The following ADAMTSL5 variants were observed in gnomAD, a reference collection of about 807,000 sequenced individuals.
ADAMTSL5 encodes ADAMTS-like protein 5.
Under a neutral mutation model 51.7 loss-of-function variants are expected in ADAMTSL5, and 53 were observed. The observed-to-expected ratio is 1.03, with a 90% CI of 0.82 to 1.29. The LOEUF (loss-of-function observed/expected upper bound fraction) is 1.29. Ranked by LOEUF, ADAMTSL5 falls within the 50% of genes most tolerant of loss-of-function variation. The probability of loss-of-function intolerance (pLI) is 0.00; values close to 1 mark genes in which losing one functional copy is unlikely to be tolerated. For synonymous variants in ADAMTSL5, 285 were observed against 278.7 expected (o/e 1.02, Z -0.23); for missense variants, 770 against 676.2 (o/e 1.14, Z -1.54).
Position 1,508,065 on chromosome 19 carries a change from G to A in ADAMTSL5, c.534C>T (p.Asp178=), listed in dbSNP as rs1039626819. The A allele has an allele frequency of 6.2e-7, 1 of 1,610,608 alleles. No homozygotes were observed. Among genetic ancestry groups the A allele is most frequent in the African/African-American group, 1.3e-5 (1 of 74,830 alleles). ...DGLLGSGALE[D]RCGRCGGAND... ...TGGCGCCTCCGCAGCGGCCACAGCG[G>A]TCCTCGAGGGCACCCGAGCCCAACA... The change falls in exon 7 of 12, where the codon GAC becomes GAT. Residue 178 remains aspartate, a synonymous_variant. Coordinates refer to ENST00000330475, the MANE Select transcript of ADAMTSL5 (RefSeq NM_213604.3).
At chr19:1,510,509 C>G (rs1445481276) in intron 3 of ADAMTSL5, 81 bp from the exon 4 acceptor site, 1 of 1,514,250 alleles carries the variant, frequency 6.6e-7, no homozygotes. Context: ...CCCGCCAACC[C>G]CACCCGCATT....
Position 1,510,700 on chromosome 19 carries a change from A to G in ADAMTSL5, c.130T>C (p.Trp44Arg). ...CCGCAGGAGCTGGAGCAGCGGGTCC[A>G]GGACACCCACGGGGTCCACTCGCCC... ...GPGEWTPWVS[W>R]TRCSSSCGRG... The change falls in exon 3 of 12, where the codon TGG becomes CGG. Residue 44 changes from tryptophan (W) to arginine (R), a missense_variant. By Grantham distance (101) the Trp-to-Arg change is moderately radical. Coordinates refer to ENST00000330475, the MANE Select transcript of ADAMTSL5 (RefSeq NM_213604.3). 2 of 1,543,132 alleles carry G rather than the reference A, an allele frequency of 1.3e-6. No homozygotes were observed. The highest frequency in any genetic ancestry group is 1.7e-6 in the Non-Finnish European group (2 of 1,143,588).
chr19:1,507,381 T>C lies in ADAMTSL5; in HGVS notation c.713A>G (p.Tyr238Cys). Residue 238 changes from tyrosine to cysteine, a missense_variant, in exon 9 of 12, where the codon TAC (tyrosine) becomes TGC (cysteine). Coordinates refer to ENST00000330475, the MANE Select transcript of ADAMTSL5 (RefSeq NM_213604.3). ...GACCACCCAGTGCCCATTAAGCACG[T>C]AGCGCCCATCGCCCCCCATCAGTGC... ...HLALMGGDGR[Y>C]VLNGHWVVSP... 6.3e-7 allele frequency: 1 copy of C among 1,576,736 alleles called. No individual in the cohort carries two copies. The highest frequency in any genetic ancestry group is 1.8e-5 in the Admixed American group (1 of 56,128).
intron 7 of ADAMTSL5, 143 bp from the exon 8 acceptor site, chr19:1,507,786 C>T (rs1391934632): frequency 3.0e-6 from 3 of 1,013,886 alleles, no homozygotes; most frequent in Non-Finnish European, 4.4e-6. Context: ...TTTGGAGTTA[C>T]AATTACTATT....
At chr19:1,511,942 C>T (rs1313639196) in intron 1 of ADAMTSL5, among the ~76,000 whole-genome samples, 5 of 152,176 alleles carry the variant, frequency 3.3e-5, no homozygotes, top group East Asian at 1.9e-4. Context: ...CGGGGCAGCC[C>T]GTGGAGGGAA....
At position 1,505,852 on chromosome 19, in the gene ADAMTSL5, T is replaced by G; in HGVS notation, c.*163A>C. The G allele has an allele frequency of 3.4e-6, 3 of 891,608 alleles. 1 individual carries two copies. In the South Asian group the frequency reaches 6.0e-5, roughly 18 times the overall value. 55.2% of individuals were successfully genotyped at this position (891,608 alleles called of 1,614,324 possible). A position where few individuals can be genotyped will look rare whatever the true frequency, so the allele number is the denominator to read the frequency against. On this transcript the variant is annotated 3_prime_UTR_variant, in exon 12 of 12. Transcript: ENST00000330475. ...GCTTGTGACAGTGGCTTTGACTGCA[T>G]GCAGAGGTGTCTTAAGCGTGTGTGG...
chr19:1,510,811 A>G, intron 2 of ADAMTSL5, 34 bp downstream of exon 2: 2 of 1,507,454 alleles, frequency 1.3e-6, no homozygotes, highest in South Asian at 1.3e-5. Context: ...CCCCATTCCC[A>G]CTCGCCACCC....
At position 1,510,737 on chromosome 19, in the gene ADAMTSL5, G is replaced by A; in HGVS notation, c.100-7C>T. ...GGGTCCACTCGCCCGGACCCTACTT[G>A]GGGAGACAGAGGCACGGTCAGCCTT... On this transcript the variant is annotated splice_polypyrimidine_tract_variant and splice_region_variant and intron_variant, in intron 2 of 11. Transcript: ENST00000330475. The A allele has an allele frequency of 6.5e-7, 1 of 1,531,064 alleles. No individual in the cohort carries two copies. Among genetic ancestry groups the A allele is most frequent in the Non-Finnish European group, 8.8e-7 (1 of 1,135,910 alleles). 94.8% of individuals were successfully genotyped at this position (1,531,064 alleles called of 1,614,324 possible).
chr19:1,510,001 G>A, intron 5 of ADAMTSL5, 149 bp downstream of exon 5: 1 of 652,318 alleles, frequency 1.5e-6, no homozygotes, highest in South Asian at 2.1e-5. Context: ...CCTAACATAT[G>A]CTGTTTCTGT....
Position 1,506,852 on chromosome 19 carries a change from G to C in ADAMTSL5, c.929C>G (p.Ala310Gly), listed in dbSNP as rs1284901930. 1 of 1,544,680 alleles carries C rather than the reference G, an allele frequency of 6.5e-7. No individual in the cohort carries two copies. Among genetic ancestry groups the C allele is most frequent in the Non-Finnish European group, 8.7e-7 (1 of 1,145,084 alleles). Residue 310 changes from alanine to glycine, a missense_variant, in exon 10 of 12, where the codon GCT (alanine) becomes GGT (glycine). Transcript: ENST00000330475. The surrounding 1 kb of genome is among the most constrained non-coding windows in gnomAD (Gnocchi z 5.6). ...LPRERYSPFQ[A>G]RVQALGWPLR... ...GGGCCAGCCCAGGGCCTGCACACGAGCCTGGAAGGGGCTGTAGCGCTCCCG... is the reference window on the plus strand; with the variant it reads ...GGGCCAGCCCAGGGCCTGCACACGACCCTGGAAGGGGCTGTAGCGCTCCCG...
chr19:1,509,183 A>C (rs556921475), intron 5 of ADAMTSL5, among the ~76,000 whole-genome samples: 2 of 122,434 alleles, frequency 1.6e-5, no homozygotes, highest in African/African-American at 6.2e-5. Flanking sequence ...TGAACCAGGG[A>C]GGTGGAGGCT....
chr19:1,507,012 A>G, intron 9 of ADAMTSL5, 84 bp from the exon 10 acceptor site: 4 of 1,412,266 alleles, frequency 2.8e-6, no homozygotes, highest in Non-Finnish European at 3.8e-6. Flanking sequence ...CAGCCTCCCC[A>G]CTTTGATCCT....
chr19:1,507,797 G>A (rs1162678377), intron 7 of ADAMTSL5, among the ~76,000 whole-genome samples, 154 bp from the exon 8 acceptor site: 2 of 152,190 alleles, frequency 1.3e-5, no homozygotes, highest in African/African-American at 4.8e-5. Context: ...AATTACTATT[G>A]CTTCAGTGTG....
rs748707241 is a variant in ADAMTSL5 at position 1,508,126 on chromosome 19, A to G, written c.490-17T>C. 12 of 1,595,134 alleles carry G rather than the reference A, an allele frequency of 7.5e-6. No homozygotes were observed. Among genetic ancestry groups the G allele is most frequent in the Non-Finnish European group, 1.0e-5 (12 of 1,170,106 alleles). Reference sequence around the variant, plus strand: ...GCCGGCGCTCTAAAGGGTGAAGGACAGGCGCGGCGTCACTGACGCTGGGAG... The same window carrying G: ...GCCGGCGCTCTAAAGGGTGAAGGACGGGCGCGGCGTCACTGACGCTGGGAG... On this transcript the variant is annotated splice_polypyrimidine_tract_variant and intron_variant, in intron 6 of 11. Transcript: ENST00000330475.
rs1001495992 is a variant in ADAMTSL5, at chr19:1,507,648, G to T, written c.602-5C>A. 6.2e-7 allele frequency: 1 copy of T among 1,613,252 alleles called. No individual in the cohort carries two copies. The highest frequency in any genetic ancestry group is 1.3e-5 in the African/African-American group (1 of 74,926). On this transcript the variant is annotated splice_region_variant and splice_polypyrimidine_tract_variant and intron_variant, in intron 7 of 11. Transcript: ENST00000330475. The stretch of plus-strand genomic sequence containing the variant: ...TCCAGTACCCAGCGAAGGCACCTGG[G>T]TGGGAGGGTAGGAGGGTGTTGGGGT...
Position 1,507,351 on chromosome 19 carries a change from G to T in ADAMTSL5, c.743C>A (p.Pro248Gln). The change falls in exon 9 of 12, where the codon CCA becomes CAA. Residue 248 changes from proline (P) to glutamine (Q), a missense_variant. Physicochemically the swap from Pro to Gln is moderately conservative, Grantham distance 76. Coordinates refer to ENST00000330475, the MANE Select transcript of ADAMTSL5 (RefSeq NM_213604.3). ...GCCGGCCGCCTCGTAGGTCCCTGGT[G>T]GGCTGACCACCCAGTGCCCATTAAG... Reference protein sequence around the residue: ...YVLNGHWVVSPPGTYEAAGTH... With the variant: ...YVLNGHWVVSQPGTYEAAGTH... 1 of 1,590,688 alleles carries T rather than the reference G, an allele frequency of 6.3e-7. No individual in the cohort carries two copies. The highest frequency in any genetic ancestry group is 8.6e-7 in the Non-Finnish European group (1 of 1,167,318).
intron 7 of ADAMTSL5, 88 bp from the exon 8 acceptor site, chr19:1,507,731 G>T: frequency 7.4e-7 from 1 of 1,346,838 alleles, no homozygotes; most frequent in Non-Finnish European, 1.1e-6. Flanking sequence ...CTGCGGGTAA[G>T]ACAGCTAGCC....
At chr19:1,510,516 C>A in intron 3 of ADAMTSL5, 88 bp from the exon 4 acceptor site, 5 of 1,509,472 alleles carry the variant, frequency 3.3e-6, no homozygotes, top group Non-Finnish European at 3.6e-6. Context: ...ACCCCACCCG[C>A]ATTCCAGCGG....
intron 5 of ADAMTSL5, chr19:1,508,835 TATTC>T: frequency 2.5e-6 from 1 of 392,338 alleles, no homozygotes; most frequent in Non-Finnish European, 4.5e-6. Context: ...CCTTACATAT[TATTC>T]ATTTTTAACA....
Sources: gnomAD v4.1 joint callset for allele counts (sites outside exome capture counted in the v4.1 genomes callset) on GRCh38, gnomAD v4.1.1 for gene constraint, Gnocchi (gnomAD v3.1) non-coding constraint, MANE v1.5 for transcripts, NCBI Gene and HGNC (gene_info 2026-07-23, HGNC 2026-07-21) for gene names.